The following KCNG2 variants were observed in gnomAD, a reference collection of about 807,000 sequenced individuals.
KCNG2 encodes the protein voltage-gated potassium channel regulatory subunit KCNG2.
KCNG2 carries 7 observed loss-of-function variants against 12.3 expected under a neutral mutation model. That is an observed-to-expected ratio of 0.57 (90% CI 0.32 to 1.07). The LOEUF (loss-of-function observed/expected upper bound fraction) is 1.07. KCNG2 is among the 50% of genes least tolerant of loss of function. The pLI is 0.04. For missense variants in KCNG2, 703 were observed against 726.0 expected (o/e 0.97, Z 0.36); for synonymous variants, 414 against 351.4 (o/e 1.18, Z -1.99).
intron 2 of KCNG2, among the ~76,000 whole-genome samples, chr18:79,860,006 G>A (rs982917674): frequency 1.2e-4 from 18 of 152,160 alleles, no homozygotes; most frequent in African/African-American, 3.6e-4. Flanking sequence ...AAGGAGGCAC[G>A]GTGCCAATGT....
intron 1 of KCNG2, among the ~76,000 whole-genome samples, chr18:79,825,814 G>A (rs1160843323): frequency 6.6e-6 from 1 of 152,166 alleles, no homozygotes; most frequent in Non-Finnish European, 1.5e-5. Context: ...AAATACAGAA[G>A]GACAGAAAAA....
intron 3 of KCNG2, among the ~76,000 whole-genome samples, chr18:79,883,658 G>A (rs558990685): frequency 3.3e-4 from 51 of 152,322 alleles, no homozygotes; most frequent in African/African-American, 1.1e-3. Context: ...AGCTTCTAGT[G>A]AACGATGAGG....
At chr18:79,833,933 C>T (rs1004290338) in intron 1 of KCNG2, among the ~76,000 whole-genome samples, 16 of 152,224 alleles carry the variant, frequency 1.1e-4, no homozygotes, top group African/African-American at 3.6e-4. Context: ...GAGTTGTGCA[C>T]ATCTGGCCAC....
Position 79,864,227 on chromosome 18 carries a change from T to C in KCNG2, c.560T>C (p.Val187Ala). 1 of 1,552,234 alleles carries C rather than the reference T, an allele frequency of 6.4e-7. No individual in the cohort carries two copies. The highest frequency in any genetic ancestry group is 8.7e-7 in the Non-Finnish European group (1 of 1,153,438). The change falls in exon 3 of 4, where the codon GTG becomes GCG. Residue 187 changes from valine (V) to alanine (A), a missense_variant. Transcript: ENST00000316249. ...TTCGCCTGCGTGTCCGTGTCCTTCG[T>C]GGCCGTCACGGCCGTGGGCCTCTGC... ...KLFACVSVSF[V>A]AVTAVGLCLS...
intron 3 of KCNG2, among the ~76,000 whole-genome samples, chr18:79,875,168 C>T (rs1980017329): frequency 2.0e-5 from 3 of 152,238 alleles, no homozygotes; most frequent in African/African-American, 4.8e-5. Flanking sequence ...CTTCCCCACT[C>T]TTCTGTGTGA....
Position 79,899,395 on chromosome 18 carries a change from T to C in KCNG2, c.980T>C (p.Leu327Pro). 1 of 1,577,478 alleles carries C rather than the reference T, an allele frequency of 6.3e-7. No individual in the cohort carries two copies. Among genetic ancestry groups the C allele is most frequent in the Non-Finnish European group, 8.6e-7 (1 of 1,166,890 alleles). ...RCAREFGLLL[L>P]FLCVAMALFA... Reference sequence around the variant, plus strand: ...GCGCGCGAGTTCGGGCTGCTGCTGCTGTTCCTCTGCGTGGCCATGGCGCTC... The same window carrying C: ...GCGCGCGAGTTCGGGCTGCTGCTGCCGTTCCTCTGCGTGGCCATGGCGCTC... Residue 327 changes from leucine to proline, a missense_variant, in exon 4 of 4, where the codon CTG becomes CCG. By Grantham distance (98) the Leu-to-Pro change is moderately conservative. Transcript: ENST00000316249.
At chr18:79,818,703 G>T (rs935711113) in intron 1 of KCNG2, among the ~76,000 whole-genome samples, 3 of 152,196 alleles carry the variant, frequency 2.0e-5, no homozygotes, top group Non-Finnish European at 4.4e-5. Context: ...ATAAGGAACC[G>T]CCCAGAAATC....
chr18:79,851,106 TAGAC>T (rs1403370341), intron 1 of KCNG2, among the ~76,000 whole-genome samples: 2 of 152,106 alleles, frequency 1.3e-5, no homozygotes, highest in African/African-American at 4.8e-5. Context: ...AGCTGCTGCA[TAGAC>T]AGAGCAGGAC....
intron 3 of KCNG2, among the ~76,000 whole-genome samples, chr18:79,890,235 C>T (rs1032292162): frequency 1.3e-5 from 2 of 152,160 alleles, no homozygotes; most frequent in African/African-American, 4.8e-5. Context: ...GGGAACCATT[C>T]TCTCCACTTC....
chr18:79,814,344 C>T (rs2122998251), intron 1 of KCNG2, among the ~76,000 whole-genome samples: 1 of 152,234 alleles, frequency 6.6e-6, no homozygotes, highest in Middle Eastern at 3.4e-3. Context: ...TGGAATTGTC[C>T]CAGAGACCCT....
At chr18:79,820,500 G>A (rs1305150144) in intron 1 of KCNG2, among the ~76,000 whole-genome samples, 1 of 152,170 alleles carries the variant, frequency 6.6e-6, no homozygotes, top group Non-Finnish European at 1.5e-5. Context: ...TGGCAGATGT[G>A]AAGCGATAGC....
At chr18:79,834,626 G>T (rs892274285) in intron 1 of KCNG2, among the ~76,000 whole-genome samples, 1 of 152,334 alleles carries the variant, frequency 6.6e-6, no homozygotes, top group African/African-American at 2.4e-5. Context: ...GGTTTAAAAG[G>T]AAACCAGTGT....
rs7229398 is a variant in KCNG2 at position 79,882,910 on chromosome 18, A to G, written c.625-16130A>G. 8.5e-3 allele frequency among the ~76,000 whole-genome samples: 1,140 copies of G among 134,786 alleles called. 18 individuals are homozygous for G. Among genetic ancestry groups the G allele is most frequent in the South Asian group, 0.016 (63 of 3,908 alleles). 88.4% of individuals were successfully genotyped at this position (134,786 alleles called of 152,430 possible). A position where few individuals can be genotyped will look rare whatever the true frequency, so the allele number is the denominator to read the frequency against. ...GAGGCCGGGTACATCTGCGCGTGGC[A>G]CGCGGAGGCCGGGTACACCTGCGCT... On this transcript the variant is annotated intron_variant, in intron 3 of 3. Transcript: ENST00000316249.
At chr18:79,839,890 A>G (rs1327813438) in intron 1 of KCNG2, among the ~76,000 whole-genome samples, 1 of 152,264 alleles carries the variant, frequency 6.6e-6, no homozygotes, top group African/African-American at 2.4e-5. Context: ...ACATAATCAT[A>G]TAAGTTGATG....
rs1440853978 is a variant in KCNG2 at position 79,864,348 on chromosome 18, T to G, written c.624+57T>G. On this transcript the variant is annotated intron_variant, in intron 3 of 3. Coordinates refer to ENST00000316249, the MANE Select transcript of KCNG2 (RefSeq NM_012283.2). ...CCGGAGCTGGGGCTGGGCTGGGATC[T>G]GGGCTGCGGGGAGGTGGGTGGGGGA... is the stretch of plus-strand genomic sequence containing the variant. 1.9e-5 allele frequency: 3 copies of G among 155,586 alleles called. No homozygotes were observed. In the Admixed American group the frequency reaches 3.1e-4, roughly 16 times the overall value. 9.6% of individuals were successfully genotyped at this position (155,586 alleles called of 1,614,324 possible). A position where few individuals can be genotyped will look rare whatever the true frequency, so the allele number is the denominator to read the frequency against.
At chr18:79,863,539 G>A (rs988809822) in intron 2 of KCNG2, 89 bp from the exon 3 acceptor site, 44 of 1,039,674 alleles carry the variant, frequency 4.2e-5, no homozygotes, top group Admixed American at 4.9e-5. Flanking sequence ...CCGAGGGTTC[G>A]GTGCCGGCCC....
At chr18:79,889,380 C>T (rs1471591479) in intron 3 of KCNG2, among the ~76,000 whole-genome samples, 1 of 152,174 alleles carries the variant, frequency 6.6e-6, no homozygotes, top group Non-Finnish European at 1.5e-5. Context: ...ACCCCAGTAC[C>T]GCTTGATAAC....
intron 3 of KCNG2, among the ~76,000 whole-genome samples, chr18:79,866,470 C>G (rs368076877): frequency 8.9e-5 from 8 of 89,682 alleles, no homozygotes; most frequent in East Asian, 4.0e-4. Context: ...GTGCTGAGGT[C>G]TGGGTGCTGA....
At chr18:79,885,432 C>G (rs966352484) in intron 3 of KCNG2, among the ~76,000 whole-genome samples, 12 of 152,180 alleles carry the variant, frequency 7.9e-5, no homozygotes, top group African/African-American at 2.9e-4. Context: ...TGTGGTTCCG[C>G]GGGTGGTCTC....
Sources: gnomAD v4.1 joint callset for allele counts (sites outside exome capture counted in the v4.1 genomes callset) on GRCh38, gnomAD v4.1.1 for gene constraint, MANE v1.5 for transcripts, NCBI Gene and HGNC (gene_info 2026-07-23, HGNC 2026-07-21) for gene names.